Variants in MTBP observed in about 807,000 individuals in gnomAD.
MTBP encodes mdm2-binding protein.
A neutral mutation model predicts 117.0 loss-of-function variants in MTBP; 101 were observed. The ratio of observed to expected loss-of-function variants is 0.86; its 90% CI spans 0.73 to 1.02. MTBP has a LOEUF of 1.02. Among genes scored for constraint, MTBP ranks in the 50% least tolerant of loss-of-function variants. The probability of loss-of-function intolerance (pLI) is 0.00; values close to 1 mark genes in which losing one functional copy is unlikely to be tolerated. For missense variants in MTBP, 970 were observed against 1,030.9 expected (o/e 0.94, Z 0.81); for synonymous variants, 350 against 351.5 (o/e 1.00, Z 0.05).
Position 120,486,471 on chromosome 8 carries a change from A to G in MTBP, c.1166-1688A>G, listed in dbSNP as rs532777662. ...CTGAGGTGAAGACATTTGGGTGCCT[A>G]TTTTCTCAGCTTTCCTATCCTGGGG... On this transcript the variant is annotated intron_variant, in intron 11 of 21. Coordinates refer to ENST00000305949, the MANE Select transcript of MTBP (RefSeq NM_022045.5). 3.9e-5 allele frequency among the ~76,000 whole-genome samples: 6 copies of G among 152,134 alleles called. No individual in the cohort carries two copies. The South Asian group carries it at 1.2e-3, about 32-fold the overall frequency.
At chr8:120,460,659 T>G (rs185841283) in intron 8 of MTBP, among the ~76,000 whole-genome samples, 1 of 152,274 alleles carries the variant, frequency 6.6e-6, no homozygotes, top group Non-Finnish European at 1.5e-5. Flanking sequence ...ACATGCTGGC[T>G]TCACTATCTC....
chr8:120,487,626 T>C (rs1461349547), intron 11 of MTBP, among the ~76,000 whole-genome samples: 2 of 152,246 alleles, frequency 1.3e-5, no homozygotes, highest in Non-Finnish European at 2.9e-5. Flanking sequence ...TGATTTGCTT[T>C]TAAAATATAC....
intron 13 of MTBP, among the ~76,000 whole-genome samples, 159 bp from the exon 14 acceptor site, chr8:120,497,234 T>C (rs966464311): frequency 6.6e-5 from 10 of 152,206 alleles, no homozygotes; most frequent in African/African-American, 2.4e-4. Context: ...TATCTACAAA[T>C]AGGATTAAAG....
intron 6 of MTBP, among the ~76,000 whole-genome samples, chr8:120,456,009 T>C (rs1813461202): frequency 6.6e-6 from 1 of 152,202 alleles, no homozygotes; most frequent in African/African-American, 2.4e-5. Flanking sequence ...TTGGATTTAA[T>C]AACTTCATGA....
chr8:120,482,107 C>T (rs1218658940), intron 11 of MTBP, among the ~76,000 whole-genome samples: 1 of 151,878 alleles, frequency 6.6e-6, no homozygotes, highest in Non-Finnish European at 1.5e-5. Context: ...CAACCCAAAT[C>T]TCTGGGGTGG....
At chr8:120,478,137 T>C (rs1278613889) in intron 11 of MTBP, among the ~76,000 whole-genome samples, 1 of 152,018 alleles carries the variant, frequency 6.6e-6, no homozygotes, top group East Asian at 1.9e-4. Context: ...GTCATTCTCA[T>C]CAAACTAACA....
chr8:120,522,845 A>G (rs1235299126), intron 21 of MTBP, 126 bp downstream of exon 21: 4 of 672,360 alleles, frequency 5.9e-6, no homozygotes, highest in Non-Finnish European at 9.7e-6. Context: ...TCCCTATGAA[A>G]ACTCTTTAAG....
chr8:120,446,969 T>C (rs888743310), intron 2 of MTBP, among the ~76,000 whole-genome samples: 1 of 152,250 alleles, frequency 6.6e-6, no homozygotes, highest in African/African-American at 2.4e-5. Flanking sequence ...TCAGTTCTTA[T>C]CTGCTTTGAC....
At chr8:120,512,286 A>G (rs1181637662) in intron 17 of MTBP, among the ~76,000 whole-genome samples, 2 of 152,262 alleles carry the variant, frequency 1.3e-5, no homozygotes, top group Admixed American at 1.3e-4. Context: ...CTTCAGCCCT[A>G]TAAACACACT....
chr8:120,507,445 T>C (rs1354574256), intron 16 of MTBP, among the ~76,000 whole-genome samples: 1 of 152,136 alleles, frequency 6.6e-6, no homozygotes, highest in African/African-American at 2.4e-5. Flanking sequence ...TTTGACAAAA[T>C]TGACTGTAAA....
intron 14 of MTBP, among the ~76,000 whole-genome samples, chr8:120,502,233 T>C (rs181235582): frequency 3.3e-5 from 5 of 152,330 alleles, no homozygotes; most frequent in Middle Eastern, 3.4e-3. Flanking sequence ...TCCTAAATAG[T>C]GCTAATTCAA....
intron 17 of MTBP, among the ~76,000 whole-genome samples, chr8:120,514,139 A>G (rs1814872044): frequency 6.6e-6 from 1 of 151,842 alleles, no homozygotes; most frequent in Non-Finnish European, 1.5e-5. Flanking sequence ...TGATGTACGT[A>G]TGTATAGTGA....
At chr8:120,459,679 A>G (rs750060784) in intron 8 of MTBP, among the ~76,000 whole-genome samples, 19 of 152,184 alleles carry the variant, frequency 1.2e-4, no homozygotes, top group Non-Finnish European at 1.9e-4. Flanking sequence ...TTTTGATGTT[A>G]GGTAAACCTG....
At chr8:120,494,480 T>G (rs1030167606) in intron 13 of MTBP, among the ~76,000 whole-genome samples, 1 of 152,186 alleles carries the variant, frequency 6.6e-6, no homozygotes, top group Admixed American at 6.5e-5. Context: ...CCTCCCCATC[T>G]TTCAGTCCCT....
At chr8:120,462,500 T>C (rs1333094461) in intron 9 of MTBP, among the ~76,000 whole-genome samples, 4 of 152,156 alleles carry the variant, frequency 2.6e-5, no homozygotes, top group Non-Finnish European at 5.9e-5. Flanking sequence ...TAATGTACAT[T>C]GTAGTAAAAA....
Position 120,501,180 on chromosome 8 carries a change from A to G in MTBP, c.1610-1312A>G, listed in dbSNP as rs1195594918. Among the ~76,000 whole-genome samples, 170 of 71,056 alleles carry G rather than the reference A, an allele frequency of 2.4e-3. 1 individual carries two copies. The highest frequency in any genetic ancestry group is 4.2e-3 in the Admixed American group (24 of 5,666). 46.6% of individuals were successfully genotyped at this position (71,056 alleles called of 152,430 possible). A position where few individuals can be genotyped will look rare whatever the true frequency, so the allele number is the denominator to read the frequency against. On this transcript the variant is annotated intron_variant, in intron 14 of 21. Coordinates refer to ENST00000305949, the MANE Select transcript of MTBP (RefSeq NM_022045.5). ...CACTCCAGCCTGGGTGACAGAGTGA[A>G]ACTCCATCTCAAAAAAAAAAAAAAA...
chr8:120,517,687 G>A (rs779596809), intron 18 of MTBP, among the ~76,000 whole-genome samples, 164 bp from the exon 19 acceptor site: 90 of 151,652 alleles, frequency 5.9e-4, no homozygotes, highest in Admixed American at 2.0e-4. Flanking sequence ...TATCTATTAT[G>A]TAATAACAGT....
intron 11 of MTBP, among the ~76,000 whole-genome samples, chr8:120,474,883 A>G (rs531046671): frequency 6.7e-4 from 102 of 152,172 alleles, no homozygotes; most frequent in Non-Finnish European, 1.3e-3. Flanking sequence ...CCAAGACATA[A>G]TGAAAAAAGC....
chr8:120,497,204 A>G (rs755378718), intron 13 of MTBP, among the ~76,000 whole-genome samples, 189 bp from the exon 14 acceptor site: 7 of 152,234 alleles, frequency 4.6e-5, no homozygotes, highest in Admixed American at 1.3e-4. Context: ...TTTATCTCAC[A>G]TAACTGGAAA....
Sources: gnomAD v4.1 joint callset for allele counts (sites outside exome capture counted in the v4.1 genomes callset) on GRCh38, gnomAD v4.1.1 for gene constraint, MANE v1.5 for transcripts, NCBI Gene and HGNC (gene_info 2026-07-23, HGNC 2026-07-21) for gene names.